GRIP1: variants seen among roughly 807,000 people sequenced by gnomAD.
The protein encoded by GRIP1 is glutamate receptor-interacting protein 1.
A neutral mutation model predicts 129.9 loss-of-function variants in GRIP1; 45 were observed. The observed-to-expected ratio is 0.35, with a 90% CI of 0.27 to 0.44. The LOEUF (loss-of-function observed/expected upper bound fraction) is 0.44. GRIP1 is among the 20% of genes least tolerant of loss of function. The pLI, the probability that GRIP1 is intolerant of heterozygous loss-of-function variation, is 1.00. For synonymous variants in GRIP1, 530 were observed against 520.8 expected (o/e 1.02, Z -0.24); for missense variants, 1,196 against 1,396.8 (o/e 0.86, Z 2.29).
chr12:66,940,466 T>C (rs949138285), intron 1 of GRIP1, among the ~76,000 whole-genome samples: 2 of 152,150 alleles, frequency 1.3e-5, no homozygotes, highest in Non-Finnish European at 2.9e-5. Flanking sequence ...GACAAAATTA[T>C]ACCAATCAGC....
At position 66,356,666 on chromosome 12, in the gene GRIP1, C is replaced by T. The variant is rs74664942; in HGVS notation, c.3013-3103G>A. 2.4e-3 allele frequency among the ~76,000 whole-genome samples: 372 copies of T among 151,966 alleles called. 3 individuals are homozygous for T. The highest frequency in any genetic ancestry group is 7.6e-3 in the African/African-American group (313 of 41,414). On this transcript the variant is annotated intron_variant, in intron 23 of 24. Coordinates refer to ENST00000359742, the MANE Select transcript of GRIP1 (RefSeq NM_001366722.1). ...TTCCTTCAGCTATCCTTCTCTTCTTCGGGGGAGTGTTTTCAAGCAAACACC... is the reference window on the plus strand; with the variant it reads ...TTCCTTCAGCTATCCTTCTCTTCTTTGGGGGAGTGTTTTCAAGCAAACACC...
rs374562043 is a variant in GRIP1 at position 66,781,784 on chromosome 12, G to A, written c.-420+22269C>T. Among the ~76,000 whole-genome samples, 240 of 152,296 alleles carry A rather than the reference G, an allele frequency of 1.6e-3. 1 individual carries two copies. Among genetic ancestry groups the A allele is most frequent in the African/African-American group, 5.7e-3 (236 of 41,560 alleles). On this transcript the variant is annotated intron_variant, in intron 1 of 4. Transcript: ENST00000538373. ...ATTCAAAATAGGAGGCTGCATGAAG[G>A]TTTTAAAACAGATAATCAGAAACCT...
intron 20 of GRIP1, among the ~76,000 whole-genome samples, chr12:66,377,649 TTTTTTTTG>T (rs2055871506): frequency 6.6e-6 from 1 of 150,402 alleles, no homozygotes; most frequent in South Asian, 2.1e-4. Context: ...TTTTTTTTTT[TTTTTTTTG>T]GATTCAGAAT....
chr12:66,815,828 C>CT (rs1555241765), intron 1 of GRIP1, among the ~76,000 whole-genome samples: 3 of 46,904 alleles, frequency 6.4e-5, no homozygotes, highest in African/African-American at 1.1e-4. Flanking sequence ...AGATTTCTTT[C>CT]TTTCTTTCTT....
At chr12:66,623,479 A>C (rs962891709) in intron 1 of GRIP1, among the ~76,000 whole-genome samples, 1 of 152,142 alleles carries the variant, frequency 6.6e-6, no homozygotes, top group African/African-American at 2.4e-5. Flanking sequence ...GTTCCAACTA[A>C]ATGGGAAACA....
At chr12:66,543,371 G>A (rs1217155164) in intron 2 of GRIP1, among the ~76,000 whole-genome samples, 1 of 152,146 alleles carries the variant, frequency 6.6e-6, no homozygotes, top group Admixed American at 6.5e-5. Context: ...GTCTGAGCGT[G>A]TATGATGTCA....
chr12:66,362,140 ATCTTT>A lies in GRIP1; in HGVS notation c.3013-8582_3013-8578del, dbSNP rs1454136514. On this transcript the variant is annotated intron_variant, in intron 23 of 24. Transcript: ENST00000359742. ...CCTGGGCTAGAGTGTTACCAATTTAATCTTTTTTTTTTTTTTTTTTTTTTTTTAAT... is the reference window on the plus strand; with the variant it reads ...CCTGGGCTAGAGTGTTACCAATTTAATTTTTTTTTTTTTTTTTTTTTTAAT... 8.5e-4 allele frequency among the ~76,000 whole-genome samples: 100 copies of A among 117,788 alleles called. 1 individual carries two copies. The highest frequency in any genetic ancestry group is 3.0e-3 in the African/African-American group (94 of 31,054). 77.3% of individuals were successfully genotyped at this position (117,788 alleles called of 152,430 possible).
upstream of GRIP1, among the ~76,000 whole-genome samples, chr12:66,681,956 T>C (rs1233454931): frequency 1.3e-5 from 2 of 152,190 alleles, no homozygotes; most frequent in Non-Finnish European, 2.9e-5. Context: ...TAATGTATCA[T>C]GGAGCGACTC....
intron 1 of GRIP1, among the ~76,000 whole-genome samples, chr12:66,647,158 A>G (rs980090870): frequency 1.3e-5 from 2 of 152,224 alleles, no homozygotes; most frequent in Middle Eastern, 3.4e-3. Flanking sequence ...ATGACCTGTA[A>G]TCCTCTAAAC....
chr12:66,890,011 C>G (rs537333900), intron 1 of GRIP1, among the ~76,000 whole-genome samples: 2 of 151,918 alleles, frequency 1.3e-5, no homozygotes, highest in African/African-American at 2.4e-5. Context: ...CTCAATGTAG[C>G]CTTGACCTCC....
intron 1 of GRIP1, among the ~76,000 whole-genome samples, chr12:66,897,695 G>A (rs2040774053): frequency 6.6e-6 from 1 of 152,126 alleles, no homozygotes; most frequent in South Asian, 2.1e-4. Flanking sequence ...GGCAAAACAG[G>A]GGAAATTAAC....
chr12:66,643,353 C>T (rs61926114), intron 1 of GRIP1, among the ~76,000 whole-genome samples: 9,206 of 152,124 alleles, frequency 0.061, 335 homozygotes, highest in East Asian at 0.11. Context: ...TTAGTGACAA[C>T]TAAAATGTCT....
chr12:66,353,557 A>G lies in GRIP1; in HGVS notation c.3019T>C (p.Leu1007=). The stretch of plus-strand genomic sequence containing the variant: ...TCCTCCATGTCAGAGTCCTTGTACA[A>G]GGTCACCTGAAGAGAGAAAATGGGA... ...PTPVELHKVT[L]YKDSDMEDFG... Residue 1007 remains leucine, a synonymous_variant, in exon 24 of 25, where the codon TTG becomes CTG. Coordinates refer to ENST00000359742, the MANE Select transcript of GRIP1 (RefSeq NM_001366722.1). 6.2e-7 allele frequency: 1 copy of G among 1,613,974 alleles called. No individual in the cohort carries two copies. The highest frequency in any genetic ancestry group is 1.7e-4 in the Middle Eastern group (1 of 6,058).
At chr12:66,778,950 G>T (rs565360230) in intron 1 of GRIP1, among the ~76,000 whole-genome samples, 2 of 152,306 alleles carry the variant, frequency 1.3e-5, no homozygotes, top group South Asian at 4.1e-4. Flanking sequence ...ATTTGAAAAT[G>T]TGAGGAAGAA....
chr12:66,644,107 G>T (rs2032165325), intron 1 of GRIP1, among the ~76,000 whole-genome samples: 1 of 152,112 alleles, frequency 6.6e-6, no homozygotes, highest in African/African-American at 2.4e-5. Context: ...AAACCCATCA[G>T]ATCTTGTGAG....
chr12:66,798,695 G>A (rs889920449), intron 1 of GRIP1, among the ~76,000 whole-genome samples: 2 of 152,128 alleles, frequency 1.3e-5, no homozygotes, highest in African/African-American at 4.8e-5. Flanking sequence ...ATTCACTGAT[G>A]AAGGTAGCTA....
intron 1 of GRIP1, among the ~76,000 whole-genome samples, chr12:66,671,236 ATTAATTTCC>A (rs2034064867): frequency 6.6e-6 from 1 of 152,310 alleles, no homozygotes; most frequent in South Asian, 2.1e-4. Flanking sequence ...GTCAAGTTTG[ATTAATTTCC>A]TTAATGTCCA....
rs745766200 is a variant in GRIP1, at chr12:66,672,490, A to AT, written c.55+6359dup. ...CTACATGTAATAAATATCTGGGTGC[A>AT]TTTTTTTTTTGGATATATGCGATAC... On this transcript the variant is annotated intron_variant, in intron 1 of 24. Transcript: ENST00000359742. Among the ~76,000 whole-genome samples the AT allele has an allele frequency of 9.5e-3, 1,397 of 147,624 alleles. 15 individuals are homozygous for AT. Among genetic ancestry groups the AT allele is most frequent in the African/African-American group, 0.032 (1,306 of 40,542 alleles).
chr12:67,039,640 A>G (rs2043147092), intron 1 of GRIP1, among the ~76,000 whole-genome samples: 1 of 152,190 alleles, frequency 6.6e-6, no homozygotes, highest in South Asian at 2.1e-4. Flanking sequence ...TCTCATAATA[A>G]TAATGACTGC....
Sources: gnomAD v4.1 joint callset for allele counts (sites outside exome capture counted in the v4.1 genomes callset) on GRCh38, gnomAD v4.1.1 for gene constraint, MANE v1.5 for transcripts, NCBI Gene and HGNC (gene_info 2026-07-23, HGNC 2026-07-21) for gene names.